SLIT3: variants seen among roughly 807,000 people sequenced by gnomAD.
SLIT3 encodes the protein slit guidance ligand 3.
In SLIT3, 68 loss-of-function variants were observed where a neutral mutation model predicts 184.0. That is an observed-to-expected ratio of 0.37 (90% CI 0.30 to 0.45). The LOEUF (loss-of-function observed/expected upper bound fraction) is 0.45, where lower values mean the gene tolerates loss of function less well. SLIT3 is among the 20% of genes least tolerant of loss of function. SLIT3 has a pLI of 1.00. For synonymous variants in SLIT3, 831 were observed against 828.6 expected, an observed-to-expected ratio of 1.00 and a Z score of -0.05; for missense variants, 1,707 against 2,026.0, an observed-to-expected ratio of 0.84 and a Z score of 3.02.
chr5:168,793,800 TGGG>T (rs11323030), intron 10 of SLIT3, among the ~76,000 whole-genome samples: 1 of 149,126 alleles, frequency 6.7e-6, no homozygotes, highest in African/African-American at 2.5e-5. Flanking sequence ...AAAAATGAAT[TGGG>T]GGGGGGGATG....
At chr5:168,858,847 C>T (rs1237813341) in intron 5 of SLIT3, among the ~76,000 whole-genome samples, 1 of 152,256 alleles carries the variant, frequency 6.6e-6, no homozygotes, top group Non-Finnish European at 1.5e-5. Context: ...ACATCCCCAT[C>T]AACCATACTA....
intron 3 of SLIT3, among the ~76,000 whole-genome samples, chr5:169,198,215 C>A (rs2113481024): frequency 6.6e-6 from 1 of 152,330 alleles, no homozygotes; most frequent in South Asian, 2.1e-4. Flanking sequence ...AGAAGACAGA[C>A]CTGAAAACAA....
At chr5:168,806,608 G>A (rs771055176) in intron 8 of SLIT3, 21 bp from the exon 9 acceptor site, 28 of 1,613,632 alleles carry the variant, frequency 1.7e-5, no homozygotes, top group African/African-American at 1.1e-4. Flanking sequence ...AAGACACAAC[G>A]GTCAACTTAT....
At chr5:168,692,417 C>T (rs533086265) in intron 29 of SLIT3, among the ~76,000 whole-genome samples, 190 bp downstream of exon 29, 1 of 152,244 alleles carries the variant, frequency 6.6e-6, no homozygotes, top group South Asian at 2.1e-4. Flanking sequence ...CTTAGAGACA[C>T]CCACAGACAG....
intron 3 of SLIT3, among the ~76,000 whole-genome samples, chr5:169,203,575 A>T (rs941676504): frequency 6.6e-6 from 1 of 152,168 alleles, no homozygotes; most frequent in African/African-American, 2.4e-5. Flanking sequence ...TCACTCCTGG[A>T]TCTCTTTTGA....
At position 168,795,694 on chromosome 5, in the gene SLIT3, AC is replaced by A. The variant is rs1035601382; in HGVS notation, c.936-117del. On this transcript the variant is annotated intron_variant, in intron 9 of 35. Transcript: ENST00000519560. ...GGGAGGTCTTTTTTGTCACAGGTGC[AC>A]GGTCTGGTTGTGGCAGACCAGACAA... 1.2e-4 allele frequency: 98 copies of A among 820,248 alleles called. No individual in the cohort carries two copies. In the Admixed American group the frequency reaches 1.8e-3, roughly 15 times the overall value. The allele number at this position is 820,248 out of a possible 1,614,324, so 50.8% of individuals were successfully genotyped here. A position where few individuals can be genotyped will look rare whatever the true frequency, so the allele number is the denominator to read the frequency against.
intron 4 of SLIT3, among the ~76,000 whole-genome samples, chr5:169,046,400 T>C (rs1295518967): frequency 1.3e-5 from 2 of 152,180 alleles, no homozygotes; most frequent in African/African-American, 4.8e-5. Flanking sequence ...GCAGAACATA[T>C]AGATTCCCTT....
At chr5:168,838,897 T>A (rs1259508191) in intron 6 of SLIT3, among the ~76,000 whole-genome samples, 2 of 152,142 alleles carry the variant, frequency 1.3e-5, no homozygotes, top group Non-Finnish European at 2.9e-5. Flanking sequence ...CTCTCCTCTC[T>A]AAACGTGGGC....
chr5:168,849,827 T>C (rs893150414), intron 5 of SLIT3, among the ~76,000 whole-genome samples: 1 of 152,176 alleles, frequency 6.6e-6, no homozygotes, highest in African/African-American at 2.4e-5. Flanking sequence ...ATATTGTAAC[T>C]GTAAAAAGAA....
intron 9 of SLIT3, among the ~76,000 whole-genome samples, chr5:168,795,811 T>C (rs1354088622): frequency 2.6e-5 from 4 of 152,146 alleles, no homozygotes; most frequent in Admixed American, 2.6e-4. Context: ...GAAAGGATGA[T>C]CTTTCCTTGA....
chr5:168,727,401 G>A (rs2113386686), intron 20 of SLIT3, among the ~76,000 whole-genome samples: 1 of 152,360 alleles, frequency 6.6e-6, no homozygotes, highest in Admixed American at 6.5e-5. Context: ...GGTGAAAAGG[G>A]TGAAGACTTG....
At chr5:168,698,198 A>G (rs570446294) in intron 27 of SLIT3, among the ~76,000 whole-genome samples, 1 of 152,186 alleles carries the variant, frequency 6.6e-6, no homozygotes, top group African/African-American at 2.4e-5. Context: ...GATGACTAAG[A>G]CCTGTTATGG....
intron 9 of SLIT3, among the ~76,000 whole-genome samples, chr5:168,800,469 C>T (rs538436071): frequency 1.3e-5 from 2 of 152,280 alleles, no homozygotes; most frequent in East Asian, 3.9e-4. Context: ...TGTCTGTAAT[C>T]CCAGCTACTT....
chr5:169,240,218 A>G (rs1765348116), intron 3 of SLIT3, among the ~76,000 whole-genome samples: 1 of 151,930 alleles, frequency 6.6e-6, no homozygotes, highest in South Asian at 2.1e-4. Flanking sequence ...TGTCTATTCT[A>G]TGTTGTTTAG....
chr5:168,687,600 C>T lies in SLIT3; in HGVS notation c.3177-484G>A, dbSNP rs114575854. Among the ~76,000 whole-genome samples the T allele has an allele frequency of 4.8e-3, 732 of 152,310 alleles. 3 individuals carry two copies. The highest frequency in any genetic ancestry group is 0.017 in the African/African-American group (700 of 41,568). ...AGTGATAATACTTAGTTTACACTTG[C>T]GTGTCATAAACTGTTCTAAGTGGGT... On this transcript the variant is annotated intron_variant, in intron 29 of 35. Transcript: ENST00000519560.
intron 4 of SLIT3, chr5:168,993,999 G>C (rs558800613): frequency 6.6e-6 from 1 of 152,420 alleles, no homozygotes; most frequent in South Asian, 2.1e-4. Context: ...ATGGGTATGA[G>C]GGATGCAGAC....
chr5:168,860,426 T>C (rs1443464364), intron 5 of SLIT3, among the ~76,000 whole-genome samples: 3 of 152,112 alleles, frequency 2.0e-5, no homozygotes, highest in Admixed American at 2.0e-4. Flanking sequence ...TGAGGAATGG[T>C]GGCCTAATGG....
intron 1 of SLIT3, among the ~76,000 whole-genome samples, chr5:169,272,044 G>A (rs1766644003): frequency 6.6e-6 from 1 of 152,236 alleles, no homozygotes; most frequent in Non-Finnish European, 1.5e-5. Context: ...AGCTCTCCAT[G>A]TCAACATTCT....
At chr5:168,867,396 T>C (rs1198184790) in intron 5 of SLIT3, among the ~76,000 whole-genome samples, 1 of 152,354 alleles carries the variant, frequency 6.6e-6, no homozygotes, top group African/African-American at 2.4e-5. Flanking sequence ...TAGATGTGCA[T>C]GTATTGAGGA....
Sources: gnomAD v4.1 joint callset for allele counts (sites outside exome capture counted in the v4.1 genomes callset) on GRCh38, gnomAD v4.1.1 for gene constraint, MANE v1.5 for transcripts, NCBI Gene and HGNC (gene_info 2026-07-23, HGNC 2026-07-21) for gene names.